Variants in ARHGAP6 observed in about 807,000 individuals in gnomAD.
ARHGAP6 encodes the protein rho GTPase-activating protein 6.
In ARHGAP6, 16 loss-of-function variants were observed where a neutral mutation model predicts 55.7. The observed-to-expected ratio is 0.29, with a 90% confidence interval of 0.19 to 0.44. ARHGAP6 has a LOEUF of 0.44. ARHGAP6 is among the 20% of genes least tolerant of loss of function. ARHGAP6 has a pLI of 1.00. For missense variants in ARHGAP6, 698 were observed against 808.9 expected, an observed-to-expected ratio of 0.86 and a Z score of 1.66; for synonymous variants, 382 against 360.9, an observed-to-expected ratio of 1.06 and a Z score of -0.66.
intron 1 of ARHGAP6, among the ~76,000 whole-genome samples, chrX:11,319,445 A>G (rs760669865): frequency 8.9e-6 from 1 of 111,772 alleles, no homozygotes; most frequent in Admixed American, 9.5e-5. Context: ...TTGCATTTCT[A>G]ATGTTTCAGG....
At chrX:11,155,736 C>T (rs2045855124) in intron 10 of ARHGAP6, among the ~76,000 whole-genome samples, 1 of 112,140 alleles carries the variant, frequency 8.9e-6, no homozygotes, top group African/African-American at 3.2e-5. Flanking sequence ...AACAACTTTT[C>T]CTGTCACAAA....
At chrX:11,299,049 G>A in intron 1 of ARHGAP6, 1 of 1,100,150 alleles carries the variant, frequency 9.1e-7, no homozygotes, top group Admixed American at 2.5e-5. Context: ...GAGTTCTAAG[G>A]TCTCCGACAA....
At chrX:11,421,032 G>A (rs1273257581) in intron 1 of ARHGAP6, among the ~76,000 whole-genome samples, 1 of 110,774 alleles carries the variant, frequency 9.0e-6, no homozygotes, top group Non-Finnish European at 1.9e-5. Context: ...GCATTGAGGA[G>A]TGAAGAAACA....
At position 11,655,505 on chromosome X, in the gene ARHGAP6, A is replaced by T. The variant is rs139879763; in HGVS notation, c.588+8736T>A. 5.3e-5 allele frequency among the ~76,000 whole-genome samples: 6 copies of T among 112,193 alleles called. No individual in the cohort carries two copies. In the East Asian group the frequency reaches 1.4e-3, roughly 26 times the overall value. On this transcript the variant is annotated intron_variant, in intron 1 of 12. Transcript: ENST00000337414. Reference sequence around the variant, plus strand: ...CATGTTACATTCTCACCAGCAGTGTATGAGAGTTCCGATTTTTCTACATCT... The same window carrying T: ...CATGTTACATTCTCACCAGCAGTGTTTGAGAGTTCCGATTTTTCTACATCT...
chrX:11,450,336 C>T (rs976722764), intron 1 of ARHGAP6, among the ~76,000 whole-genome samples: 2 of 111,362 alleles, frequency 1.8e-5, no homozygotes, highest in Middle Eastern at 4.2e-3. Flanking sequence ...CTTGCAGCCC[C>T]GTCAACATAT....
At chrX:11,542,246 C>T (rs759178863) in intron 1 of ARHGAP6, among the ~76,000 whole-genome samples, 49 of 111,216 alleles carry the variant, frequency 4.4e-4, no homozygotes, top group Non-Finnish European at 7.0e-4. Context: ...CTGAGGTGGG[C>T]AGATCACCTG....
chrX:11,377,095 A>G (rs748183578), intron 1 of ARHGAP6, among the ~76,000 whole-genome samples: 7 of 112,110 alleles, frequency 6.2e-5, no homozygotes, highest in Non-Finnish European at 1.1e-4. Context: ...CTCATGCTTC[A>G]ACTTGCACAC....
chrX:11,472,583 A>C (rs1466545920), intron 1 of ARHGAP6, among the ~76,000 whole-genome samples: 1 of 112,039 alleles, frequency 8.9e-6, no homozygotes, highest in Non-Finnish European at 1.9e-5. Flanking sequence ...GTGATGACAC[A>C]GAATGCGTGA....
In ARHGAP6 at chrX:11,519,430, C is replaced by A. The variant is rs1299153384; in HGVS notation, c.588+144811G>T. Among the ~76,000 whole-genome samples the A allele has an allele frequency of 7.6e-4, 83 of 108,814 alleles. 1 individual carries two copies. The highest frequency in any genetic ancestry group is 2.7e-3 in the African/African-American group (80 of 29,145). The allele number at this position is 108,814 out of a possible 115,157, so 94.5% of individuals were successfully genotyped here. A position where few individuals can be genotyped will look rare whatever the true frequency, so the allele number is the denominator to read the frequency against. ...ATGTGTTTTTTGGCTGCATAAATGT[C>A]TTCTTTTGAGAAGTGTCTGTTCATG... On this transcript the variant is annotated intron_variant, in intron 1 of 12. Coordinates refer to ENST00000337414, the MANE Select transcript of ARHGAP6 (RefSeq NM_013427.3).
At chrX:11,659,481 G>A (rs905124392) in intron 1 of ARHGAP6, among the ~76,000 whole-genome samples, 8 of 111,301 alleles carry the variant, frequency 7.2e-5, no homozygotes, top group Non-Finnish European at 1.5e-4. Flanking sequence ...ACTAGATGCC[G>A]GTAGGAACTC....
At chrX:11,241,616 T>C (rs2047283768) in intron 2 of ARHGAP6, among the ~76,000 whole-genome samples, 1 of 109,056 alleles carries the variant, frequency 9.2e-6, no homozygotes, top group Non-Finnish European at 1.9e-5. Flanking sequence ...CCCTAGATTG[T>C]TGGTTATTTA....
chrX:11,452,536 T>G (rs1475978110), intron 1 of ARHGAP6, among the ~76,000 whole-genome samples: 2 of 112,075 alleles, frequency 1.8e-5, no homozygotes, highest in African/African-American at 6.5e-5. Flanking sequence ...ACACATTGAG[T>G]GGTTGCATTT....
chrX:11,450,203 A>AGT (rs34050296), intron 1 of ARHGAP6, among the ~76,000 whole-genome samples: 12,964 of 89,980 alleles, frequency 0.14, 740 homozygotes, highest in Middle Eastern at 0.17. Context: ...ACAAATAATA[A>AGT]GTGTGTGTGT....
chrX:11,512,846 C>A (rs1006395354), intron 1 of ARHGAP6, among the ~76,000 whole-genome samples: 2 of 111,829 alleles, frequency 1.8e-5, no homozygotes, highest in African/African-American at 6.5e-5. Context: ...CAAGACCAGA[C>A]AGATCATCTG....
At chrX:11,467,904 C>T (rs1332563544) in intron 1 of ARHGAP6, among the ~76,000 whole-genome samples, 8 of 109,040 alleles carry the variant, frequency 7.3e-5, no homozygotes, top group African/African-American at 1.7e-4. Context: ...CACTTGAGCC[C>T]GAGAGGCAGA....
At position 11,284,958 on chromosome X, in the gene ARHGAP6, T is replaced by C. The variant is rs1186145676; in HGVS notation, c.589-30251A>G. On this transcript the variant is annotated intron_variant, in intron 1 of 12. Coordinates refer to ENST00000337414, the MANE Select transcript of ARHGAP6 (RefSeq NM_013427.3). ...CATTCCTGGTTGAGGCCCACTAGTT[T>C]ATCTGATTCTCATGCATATTTTTAT... 3.6e-5 allele frequency among the ~76,000 whole-genome samples: 4 copies of C among 111,502 alleles called. No individual in the cohort carries two copies. The Admixed American group carries it at 3.8e-4, about 11-fold the overall frequency.
In ARHGAP6 at chrX:11,351,462, G is replaced by A. The variant is rs183303609; in HGVS notation, c.589-96755C>T. On this transcript the variant is annotated intron_variant, in intron 1 of 12. Transcript: ENST00000337414. ...GGGCAGGCTCTCCCCAGACTTGAAG[G>A]CTAGAGAAGGATTCCTCTAGGATTC... is the stretch of plus-strand genomic sequence containing the variant. The A allele has an allele frequency of 3.1e-6, 3 of 958,711 alleles. No homozygotes were observed. The East Asian group carries it at 2.3e-4, about 73-fold the overall frequency. The allele number at this position is 958,711 out of a possible 1,213,427, so 79.0% of individuals were successfully genotyped here. A position where few individuals can be genotyped will look rare whatever the true frequency, so the allele number is the denominator to read the frequency against.
intron 1 of ARHGAP6, chrX:11,427,729 G>T: frequency 1.3e-6 from 1 of 774,281 alleles, no homozygotes; most frequent in Non-Finnish European, 1.5e-6. Flanking sequence ...CGAGTGCTGT[G>T]CAAAGCGCCC....
At chrX:11,570,417 G>A (rs955310289) in intron 1 of ARHGAP6, among the ~76,000 whole-genome samples, 1 of 111,414 alleles carries the variant, frequency 9.0e-6, no homozygotes, top group Non-Finnish European at 1.9e-5. Context: ...CAACCATCTA[G>A]GCTGAAGGTT....
Sources: gnomAD v4.1 joint callset for allele counts (sites outside exome capture counted in the v4.1 genomes callset) on GRCh38, gnomAD v4.1.1 for gene constraint, MANE v1.5 for transcripts, NCBI Gene and HGNC (gene_info 2026-07-23, HGNC 2026-07-21) for gene names.